Variants in PACC1 observed in about 807,000 individuals in gnomAD.
PACC1 encodes the protein proton activated chloride channel 1.
Under a neutral mutation model 39.7 loss-of-function variants are expected in PACC1, and 34 were observed. The ratio of observed to expected loss-of-function variants is 0.86; its 90% CI spans 0.65 to 1.14. PACC1 has a LOEUF of 1.14. PACC1 is among the 50% of genes most tolerant of loss of function. PACC1 has a pLI of 0.00. For synonymous variants in PACC1, 127 were observed against 160.6 expected (o/e 0.79, Z 1.58); for missense variants, 379 against 436.4 (o/e 0.87, Z 1.17).
chr1:212,385,911 C>T (rs144762331), intron 3 of PACC1, among the ~76,000 whole-genome samples: 127 of 152,330 alleles, frequency 8.3e-4, no homozygotes, highest in African/African-American at 2.8e-3. Flanking sequence ...CTGACAGTAG[C>T]TGTCCAGCCT....
chr1:212,387,230 C>T, intron 2 of PACC1, 130 bp from the exon 3 acceptor site: 1 of 765,280 alleles, frequency 1.3e-6, no homozygotes, highest in Non-Finnish European at 2.1e-6. Context: ...ACCTTTCCAC[C>T]TCACCCCACA....
chr1:212,402,625 CT>C (rs915840680), intron 2 of PACC1, among the ~76,000 whole-genome samples: 3 of 152,120 alleles, frequency 2.0e-5, no homozygotes, highest in African/African-American at 7.2e-5. Context: ...TTTTCACTTT[CT>C]TGATAGTGTC....
rs1661093549 is a variant in PACC1 at position 212,386,213 on chromosome 1, C to T, written c.343+678G>A. 6.6e-6 allele frequency among the ~76,000 whole-genome samples: 1 copy of T among 152,148 alleles called. No individual in the cohort carries two copies. The highest frequency in any genetic ancestry group is 1.5e-5 in the Non-Finnish European group (1 of 68,016). On this transcript the variant is annotated intron_variant, in intron 3 of 7. Transcript: ENST00000261455. The surrounding 1 kb of genome is among the most constrained non-coding windows in gnomAD (Gnocchi z 5.0). ...TACTCAGGGGCATCTGTGGGCAGAA[C>T]AGGTGGCACACACTGGGTGGACAGG... is the stretch of plus-strand genomic sequence containing the variant.
intron 2 of PACC1, among the ~76,000 whole-genome samples, chr1:212,403,858 T>G (rs1273625509): frequency 6.6e-6 from 1 of 151,354 alleles, no homozygotes; most frequent in Admixed American, 6.6e-5. Context: ...CCACCACACC[T>G]GGCCATCTTC....
intron 6 of PACC1, 83 bp from the exon 7 acceptor site, chr1:212,375,383 G>C: frequency 1.0e-6 from 1 of 969,332 alleles, no homozygotes; most frequent in South Asian, 1.4e-5. Context: ...GAGAGAGTAG[G>C]CAGGGGATCA....
At chr1:212,400,742 AT>A (rs1661681598) in intron 2 of PACC1, among the ~76,000 whole-genome samples, 1 of 152,244 alleles carries the variant, frequency 6.6e-6, no homozygotes, top group African/African-American at 2.4e-5. Flanking sequence ...CTTTAAATGA[AT>A]GCAAACTCAG....
chr1:212,391,185 ACC>A (rs1358079142), intron 2 of PACC1, among the ~76,000 whole-genome samples: 1 of 152,140 alleles, frequency 6.6e-6, no homozygotes, highest in South Asian at 2.1e-4. Context: ...TCTGGGAGGC[ACC>A]CCCAAGTAGG....
intron 7 of PACC1, among the ~76,000 whole-genome samples, chr1:212,371,929 T>G (rs1157587017): frequency 1.3e-5 from 2 of 152,146 alleles, no homozygotes; most frequent in Non-Finnish European, 2.9e-5. Flanking sequence ...ACAAAAATCA[T>G]GTAATCATTT....
At chr1:212,397,014 T>A (rs1252632500) in intron 2 of PACC1, among the ~76,000 whole-genome samples, 1 of 152,128 alleles carries the variant, frequency 6.6e-6, no homozygotes, top group East Asian at 1.9e-4. Context: ...GAAATAAAGA[T>A]ATTTTGAAAC....
Position 212,364,941 on chromosome 1 carries a change from A to C in PACC1, c.*274T>G, listed in dbSNP as rs1660177074. On this transcript the variant is annotated 3_prime_UTR_variant, in exon 8 of 8. Coordinates refer to ENST00000261455, the MANE Select transcript of PACC1 (RefSeq NM_018252.3). ...ACAGGAAGAAAGGCATCTTCTACAA[A>C]CCCTATTCAAAAGTCATTGGCCAGC... 1 of 210,610 alleles carries C rather than the reference A, an allele frequency of 4.7e-6. No homozygotes were observed. Among genetic ancestry groups the C allele is most frequent in the African/African-American group, 2.3e-5 (1 of 43,392 alleles). The allele number at this position is 210,610 out of a possible 1,614,324, so 13.0% of individuals were successfully genotyped here. A position where few individuals can be genotyped will look rare whatever the true frequency, so the allele number is the denominator to read the frequency against.
In PACC1 at chr1:212,403,386, T is replaced by G. The variant is rs113242034; in HGVS notation, c.133+7039A>C. 6.8e-3 allele frequency among the ~76,000 whole-genome samples: 1,037 copies of G among 152,260 alleles called. 13 individuals are homozygous for G. The highest frequency in any genetic ancestry group is 0.024 in the African/African-American group (989 of 41,548). On this transcript the variant is annotated intron_variant, in intron 2 of 7. Transcript: ENST00000261455. ...CTTTTGGCCCCCAAACAGGGATGTT[T>G]GTGAGGTTCAGTCTTCATGGCCCCC...
chr1:212,369,450 C>T (rs1660364030), intron 7 of PACC1, among the ~76,000 whole-genome samples: 1 of 152,148 alleles, frequency 6.6e-6, no homozygotes, highest in Non-Finnish European at 1.5e-5. Context: ...TGCTGCCATA[C>T]AGCGTATAGT....
rs773256809 is a variant in PACC1, at chr1:212,379,946, AAGTCCTC to A, written c.580_586del (p.Glu194SerfsTer22). On this transcript the variant is annotated frameshift_variant, in exon 5 of 8. Transcript: ENST00000261455. LOFTEE classifies it high-confidence loss of function. Reference sequence around the variant, plus strand: ...GAAGAGGAGGTAATCAATGGCGCTGAAGTCCTCACTACTCTTGTTCAGGCGGAACTGG... The same window carrying A: ...GAAGAGGAGGTAATCAATGGCGCTGAACTACTCTTGTTCAGGCGGAACTGG... 2 of 1,614,244 alleles carry A rather than the reference AAGTCCTC, an allele frequency of 1.2e-6. No individual in the cohort carries two copies. The highest frequency in any genetic ancestry group is 3.3e-5 in the Admixed American group (2 of 60,026).
intron 1 of PACC1, among the ~76,000 whole-genome samples, chr1:212,413,655 C>T (rs1057130005): frequency 6.6e-6 from 1 of 152,116 alleles, no homozygotes; most frequent in African/African-American, 2.4e-5. Flanking sequence ...TAGGAGGTGG[C>T]AAAGGTAATG....
At position 212,365,146 on chromosome 1, in the gene PACC1, C is replaced by T; in HGVS notation, c.*69G>A. 8.0e-6 allele frequency: 12 copies of T among 1,501,524 alleles called. No homozygotes were observed. Among genetic ancestry groups the T allele is most frequent in the Non-Finnish European group, 1.0e-5 (11 of 1,104,320 alleles). 93.0% of individuals were successfully genotyped at this position (1,501,524 alleles called of 1,614,324 possible). ...GTGAGTACAGGATTGTTGATAGCTCCGTTTACAAAGTGGAAGTGATGACAG... is the reference window on the plus strand; with the variant it reads ...GTGAGTACAGGATTGTTGATAGCTCTGTTTACAAAGTGGAAGTGATGACAG... On this transcript the variant is annotated 3_prime_UTR_variant, in exon 8 of 8. Coordinates refer to ENST00000261455, the MANE Select transcript of PACC1 (RefSeq NM_018252.3).
In PACC1 at chr1:212,408,162, A is replaced by G. The variant is rs183683363; in HGVS notation, c.133+2263T>C. On this transcript the variant is annotated intron_variant, in intron 2 of 7. Coordinates refer to ENST00000261455, the MANE Select transcript of PACC1 (RefSeq NM_018252.3). ...TTGACTCAGTCTGTGTTTACCAGCTATATGACCTCCCCATGCTTTACTCAA... is the reference window on the plus strand; with the variant it reads ...TTGACTCAGTCTGTGTTTACCAGCTGTATGACCTCCCCATGCTTTACTCAA... Among the ~76,000 whole-genome samples the G allele has an allele frequency of 2.3e-3, 344 of 151,876 alleles. 3 individuals carry two copies. The highest frequency in any genetic ancestry group is 2.1e-3 in the Non-Finnish European group (141 of 67,956).
intron 2 of PACC1, chr1:212,387,869 C>T (rs1440449790): frequency 2.0e-5 from 3 of 152,140 alleles, no homozygotes; most frequent in Non-Finnish European, 4.4e-5. Flanking sequence ...GCCTGACCAA[C>T]ATGGTGAAAC....
rs1040841004 is a variant in PACC1, at chr1:212,386,617, G to C, written c.343+274C>G. ...CTCTCTTCCCATCTATGTGCTTTTC[G>C]AGGCCCATCTCAAATCCTACCTCTC... On this transcript the variant is annotated intron_variant, in intron 3 of 7. Coordinates refer to ENST00000261455, the MANE Select transcript of PACC1 (RefSeq NM_018252.3). This position sits in a 1 kb window ranked among gnomAD's most constrained non-coding sequence, Gnocchi z 5.0. Among the ~76,000 whole-genome samples the C allele has an allele frequency of 1.3e-5, 2 of 152,008 alleles. No individual in the cohort carries two copies. Among genetic ancestry groups the C allele is most frequent in the Non-Finnish European group, 2.9e-5 (2 of 68,004 alleles).
intron 7 of PACC1, among the ~76,000 whole-genome samples, chr1:212,371,605 T>TA (rs968523667): frequency 3.3e-5 from 5 of 151,000 alleles, no homozygotes; most frequent in East Asian, 1.9e-4. Flanking sequence ...TATCTAACAT[T>TA]AAAAAAAAAT....
Sources: allele counts gnomAD v4.1 joint callset (sites outside exome capture counted in the v4.1 genomes callset), GRCh38; gene constraint gnomAD v4.1.1; non-coding constraint Gnocchi (gnomAD v3.1); transcripts MANE v1.5; gene names NCBI Gene and HGNC (gene_info 2026-07-23, HGNC 2026-07-21).